TOX: variants seen among roughly 807,000 people sequenced by gnomAD.
TOX encodes the protein thymocyte selection associated high mobility group box.
TOX carries 11 observed loss-of-function variants against 53.7 expected under a neutral mutation model. That is an observed-to-expected ratio of 0.20 (90% CI 0.13 to 0.34). The LOEUF is 0.34. TOX is among the 10% of genes least tolerant of loss of function. The probability of loss-of-function intolerance (pLI) is 1.00; values close to 1 mark genes in which losing one functional copy is unlikely to be tolerated. For synonymous variants in TOX, 225 were observed against 245.3 expected (o/e 0.92, Z 0.77); for missense variants, 570 against 664.6 (o/e 0.86, Z 1.56).
In TOX at chr8:58,837,201, T is replaced by C. The variant is rs116240113; in HGVS notation, c.924+880A>G. On this transcript the variant is annotated intron_variant, in intron 5 of 8. Transcript: ENST00000361421. Reference sequence around the variant, plus strand: ...GGTGTCTCTAATTAAGAATAAAATATGAGACTAGTTCATCATTAATGCAAT... The same window carrying C: ...GGTGTCTCTAATTAAGAATAAAATACGAGACTAGTTCATCATTAATGCAAT... Among the ~76,000 whole-genome samples the C allele has an allele frequency of 3.9e-3, 587 of 152,296 alleles. 5 individuals carry two copies. Among genetic ancestry groups the C allele is most frequent in the African/African-American group, 0.013 (558 of 41,552 alleles).
At chr8:59,031,916 T>G (rs1375479531) in intron 1 of TOX, among the ~76,000 whole-genome samples, 2 of 152,178 alleles carry the variant, frequency 1.3e-5, no homozygotes, top group African/African-American at 2.4e-5. Context: ...GAAATTGGAT[T>G]TTCCCCCTCA....
intron 1 of TOX, among the ~76,000 whole-genome samples, chr8:58,982,829 A>G (rs764054807): frequency 5.3e-5 from 8 of 152,290 alleles, no homozygotes; most frequent in Admixed American, 6.5e-5. Context: ...CTCATTGACA[A>G]TTGAACAAAA....
At chr8:58,908,622 A>T (rs1811859218) in intron 3 of TOX, among the ~76,000 whole-genome samples, 1 of 152,208 alleles carries the variant, frequency 6.6e-6, no homozygotes, top group Non-Finnish European at 1.5e-5. Context: ...CTCCAAAGCA[A>T]TGATCATAAC....
At chr8:58,959,469 T>G (rs186942102) in intron 2 of TOX, among the ~76,000 whole-genome samples, 1 of 152,152 alleles carries the variant, frequency 6.6e-6, no homozygotes, top group Admixed American at 6.5e-5. Context: ...CAGCCCCCAC[T>G]CCTTACCTCC....
At chr8:58,808,392 G>T in intron 7 of TOX, 123 bp from the exon 8 acceptor site, 1 of 1,276,960 alleles carries the variant, frequency 7.8e-7, no homozygotes, top group Non-Finnish European at 1.0e-6. Flanking sequence ...GCAAGGGCAA[G>T]CCTGTCGGAA....
chr8:58,859,423 A>G (rs932163349), intron 3 of TOX, among the ~76,000 whole-genome samples: 3 of 152,180 alleles, frequency 2.0e-5, no homozygotes, highest in African/African-American at 7.2e-5. Flanking sequence ...AATATTTGGA[A>G]TCTTCGCTTT....
chr8:58,943,629 A>T (rs1160296082), intron 2 of TOX, among the ~76,000 whole-genome samples: 2 of 144,172 alleles, frequency 1.4e-5, no homozygotes, highest in Non-Finnish European at 3.1e-5. Context: ...AAAAAAAAAA[A>T]ACAAACAAAT....
At chr8:58,983,628 T>C (rs1813268823) in intron 1 of TOX, among the ~76,000 whole-genome samples, 1 of 152,182 alleles carries the variant, frequency 6.6e-6, no homozygotes, top group Non-Finnish European at 1.5e-5. Flanking sequence ...TGAATAAAAA[T>C]AATTAAGCCA....
At chr8:58,960,951 C>G (rs895777324) in intron 1 of TOX, among the ~76,000 whole-genome samples, 1 of 152,106 alleles carries the variant, frequency 6.6e-6, no homozygotes, top group African/African-American at 2.4e-5. Flanking sequence ...AGAGCTGGGT[C>G]TGAATATACT....
At chr8:58,954,602 G>A (rs1469081473) in intron 2 of TOX, among the ~76,000 whole-genome samples, 1 of 152,162 alleles carries the variant, frequency 6.6e-6, no homozygotes, top group African/African-American at 2.4e-5. Flanking sequence ...AGACAATGGT[G>A]AGGCAGCAAA....
At chr8:59,064,276 C>A (rs955729505) in intron 1 of TOX, among the ~76,000 whole-genome samples, 5 of 152,162 alleles carry the variant, frequency 3.3e-5, no homozygotes, top group Non-Finnish European at 5.9e-5. Context: ...TCTTTGGAGA[C>A]CTTTAGGGAC....
At chr8:58,945,504 A>C (rs1812510494) in intron 2 of TOX, among the ~76,000 whole-genome samples, 1 of 152,164 alleles carries the variant, frequency 6.6e-6, no homozygotes. Context: ...TAGAAAAGGA[A>C]ACTTCTCACC....
At chr8:58,880,648 T>C (rs1811368249) in intron 3 of TOX, among the ~76,000 whole-genome samples, 1 of 152,150 alleles carries the variant, frequency 6.6e-6, no homozygotes, top group African/African-American at 2.4e-5. Flanking sequence ...ATGTGAGAGA[T>C]AGAGCTCTGC....
chr8:59,071,522 G>A (rs573624084), intron 1 of TOX, among the ~76,000 whole-genome samples: 8 of 152,202 alleles, frequency 5.3e-5, no homozygotes, highest in African/African-American at 1.9e-4. Flanking sequence ...AGAAGCAAAA[G>A]GAATAAAGAA....
intron 1 of TOX, among the ~76,000 whole-genome samples, chr8:58,990,480 T>A (rs1016478359): frequency 6.6e-6 from 1 of 152,078 alleles, no homozygotes; most frequent in Non-Finnish European, 1.5e-5. Context: ...TTGGTTTCTG[T>A]TGCTTGCAAC....
At position 59,118,598 on chromosome 8, in the gene TOX, T is replaced by A. The variant is rs2129425450; in HGVS notation, c.102+288A>T. ...TCCACGGTTTTCTCTTATTATTTTT[T>A]TAAACGCCCCCCGGCAAACCTAGGC... On this transcript the variant is annotated intron_variant, in intron 1 of 8. Coordinates refer to ENST00000361421, the MANE Select transcript of TOX (RefSeq NM_014729.3). This position sits in a 1 kb window ranked among gnomAD's most constrained non-coding sequence, Gnocchi z 4.1. 6.6e-6 allele frequency among the ~76,000 whole-genome samples: 1 copy of A among 152,308 alleles called. No individual in the cohort carries two copies. The highest frequency in any genetic ancestry group is 3.4e-3 in the Middle Eastern group (1 of 294).
intron 3 of TOX, among the ~76,000 whole-genome samples, chr8:58,901,099 A>T (rs1482029283): frequency 2.0e-5 from 3 of 152,136 alleles, no homozygotes; most frequent in Non-Finnish European, 1.5e-5. Flanking sequence ...TCTTCCTTCA[A>T]AAATCAACAT....
intron 1 of TOX, among the ~76,000 whole-genome samples, chr8:59,092,785 C>T (rs1414348023): frequency 6.6e-6 from 1 of 152,054 alleles, no homozygotes; most frequent in African/African-American, 2.4e-5. Context: ...TGTGTTGTTC[C>T]ATCTTAGCAT....
chr8:58,881,076 G>A (rs549172059), intron 3 of TOX, among the ~76,000 whole-genome samples: 3 of 152,108 alleles, frequency 2.0e-5, no homozygotes, highest in South Asian at 4.2e-4. Context: ...GGTGGGGGGT[G>A]AGCGGGATTG....
Sources: gnomAD v4.1 joint callset for allele counts (sites outside exome capture counted in the v4.1 genomes callset) on GRCh38, gnomAD v4.1.1 for gene constraint, Gnocchi (gnomAD v3.1) non-coding constraint, MANE v1.5 for transcripts, NCBI Gene and HGNC (gene_info 2026-07-23, HGNC 2026-07-21) for gene names.